ARMC3: variants seen among roughly 807,000 people sequenced by gnomAD.
ARMC3 encodes the protein armadillo repeat containing 3.
ARMC3 carries 74 observed loss-of-function variants against 90.3 expected under a neutral mutation model. The ratio of observed to expected loss-of-function variants is 0.82; its 90% CI spans 0.68 to 0.99. The LOEUF (loss-of-function observed/expected upper bound fraction) is 0.99, where lower values mean the gene tolerates loss of function less well. Among genes scored for constraint, ARMC3 ranks in the 50% least tolerant of loss-of-function variants. The probability of loss-of-function intolerance (pLI) is 0.00; values close to 1 mark genes in which losing one functional copy is unlikely to be tolerated. For synonymous variants in ARMC3, 334 were observed against 361.8 expected, an observed-to-expected ratio of 0.92 and a Z score of 0.87; for missense variants, 958 against 1,042.8, an observed-to-expected ratio of 0.92 and a Z score of 1.12.
intron 10 of ARMC3, among the ~76,000 whole-genome samples, chr10:22,989,216 T>C (rs1795689177): frequency 6.6e-6 from 1 of 152,252 alleles, no homozygotes; most frequent in African/African-American, 2.4e-5. Context: ...GATTCCGATC[T>C]GAAAATCATT....
At chr10:23,003,964 T>A (rs754775186) in intron 13 of ARMC3, among the ~76,000 whole-genome samples, 2 of 152,012 alleles carry the variant, frequency 1.3e-5, no homozygotes, top group African/African-American at 4.8e-5. Context: ...CTGGGGAACA[T>A]AGTGAGACCC....
chr10:22,938,833 C>T (rs1014930163), intron 2 of ARMC3, among the ~76,000 whole-genome samples: 15 of 152,098 alleles, frequency 9.9e-5, no homozygotes, highest in Non-Finnish European at 1.8e-4. Flanking sequence ...ATTTCAACCC[C>T]CAAACCACCA....
At position 23,007,184 on chromosome 10, in the gene ARMC3, C is replaced by T. The variant is rs371952377; in HGVS notation, c.1829+203C>T. Among the ~76,000 whole-genome samples, 51 of 152,330 alleles carry T rather than the reference C, an allele frequency of 3.3e-4. No homozygotes were observed. The South Asian group carries it at 0.01, about 30-fold the overall frequency. ...AGCCACCACTGCAAATCAATGCACT[C>T]TCTGCTCTCTTTCTTTGACTCTATA... On this transcript the variant is annotated intron_variant, in intron 14 of 18. Transcript: ENST00000298032.
intron 16 of ARMC3, among the ~76,000 whole-genome samples, chr10:23,012,966 G>A (rs910648643): frequency 6.8e-6 from 1 of 147,044 alleles, no homozygotes; most frequent in African/African-American, 2.6e-5. Flanking sequence ...CTGGCTCATT[G>A]CAACTTCCGC....
At chr10:22,963,967 A>T (rs1436998534) in intron 7 of ARMC3, among the ~76,000 whole-genome samples, 3 of 150,752 alleles carry the variant, frequency 2.0e-5, no homozygotes, top group Non-Finnish European at 4.4e-5. Flanking sequence ...CAAACTGGAA[A>T]GGAAGCCGTA....
At chr10:23,032,730 C>T (rs1838962746) in intron 17 of ARMC3, 131 bp from the exon 18 acceptor site, 2 of 953,054 alleles carry the variant, frequency 2.1e-6, no homozygotes, top group Admixed American at 2.9e-5. Flanking sequence ...TTAGTACTTT[C>T]TCAAAAATAA....
At chr10:22,998,729 T>C (rs1837135739) in intron 11 of ARMC3, among the ~76,000 whole-genome samples, 2 of 152,206 alleles carry the variant, frequency 1.3e-5, no homozygotes, top group South Asian at 4.1e-4. Flanking sequence ...AGATAATGCA[T>C]CGTGCTGTAG....
chr10:22,968,261 C>A lies in ARMC3; in HGVS notation c.733-45C>A, dbSNP rs1475230610. 1.9e-6 allele frequency: 3 copies of A among 1,554,644 alleles called. No individual in the cohort carries two copies. In the Admixed American group the frequency reaches 5.1e-5, roughly 26 times the overall value. ...CTTGTAGTCAAATTTGGGAAGTGTA[C>A]ATTTTAGTACAACTTTCTAAAGTTG... On this transcript the variant is annotated intron_variant, in intron 7 of 18. Transcript: ENST00000298032.
intron 16 of ARMC3, among the ~76,000 whole-genome samples, chr10:23,025,152 A>G (rs549228637): frequency 1.3e-5 from 2 of 152,270 alleles, no homozygotes; most frequent in Non-Finnish European, 2.9e-5. Flanking sequence ...CACAATTATA[A>G]TTGGGACTTC....
intron 10 of ARMC3, among the ~76,000 whole-genome samples, chr10:22,982,436 TAAGGAA>T (rs1836236472): frequency 6.6e-6 from 1 of 152,230 alleles, no homozygotes; most frequent in African/African-American, 2.4e-5. Context: ...GAAGAAAAGT[TAAGGAA>T]TAGGAATGCC....
At chr10:22,931,962 TG>T (rs747135412) in intron 1 of ARMC3, 33 bp from the exon 2 acceptor site, 2 of 1,564,900 alleles carry the variant, frequency 1.3e-6, no homozygotes, top group South Asian at 2.3e-5. Flanking sequence ...TATGTGCAAA[TG>T]TCACTTTAAC....
At chr10:22,957,889 G>A (rs1230611837) in intron 4 of ARMC3, among the ~76,000 whole-genome samples, 1 of 152,038 alleles carries the variant, frequency 6.6e-6, no homozygotes, top group Non-Finnish European at 1.5e-5. Context: ...ACATACCATT[G>A]AATTTGAGAA....
In ARMC3 at chr10:23,005,874, G is replaced by A. The variant is rs576600442; in HGVS notation, c.1732-1010G>A. On this transcript the variant is annotated intron_variant, in intron 13 of 18. Coordinates refer to ENST00000298032, the MANE Select transcript of ARMC3 (RefSeq NM_173081.5). ...GCTAGACTCCATCTCAAAAAAGGGG[G>A]AAAAAAAAAAGAAATGAGAGGTGCC... Among the ~76,000 whole-genome samples the A allele has an allele frequency of 1.8e-4, 27 of 148,068 alleles. No homozygotes were observed. In the South Asian group the frequency reaches 5.6e-3, roughly 31 times the overall value.
In ARMC3 at chr10:22,928,848, TAAGAA is replaced by T. The variant is rs1833814221; in HGVS notation, c.-2+743_-2+747del. ...GACTTCATGAATTTATTTGTTAATATAAGAATTTAGTAGGAATATGAACCCAGGAA... is the reference window on the plus strand; with the variant it reads ...GACTTCATGAATTTATTTGTTAATATTTTAGTAGGAATATGAACCCAGGAA... On this transcript the variant is annotated intron_variant, in intron 1 of 18. Transcript: ENST00000298032. Among the ~76,000 whole-genome samples the T allele has an allele frequency of 2.0e-5, 3 of 152,182 alleles. No homozygotes were observed. In the South Asian group the frequency reaches 6.2e-4, roughly 32 times the overall value.
chr10:22,945,964 G>A (rs546049280), intron 2 of ARMC3, among the ~76,000 whole-genome samples, 180 bp from the exon 3 acceptor site: 1 of 152,272 alleles, frequency 6.6e-6, no homozygotes, highest in East Asian at 1.9e-4. Flanking sequence ...TTCCAATGCT[G>A]ACAATTGTTT....
intron 14 of ARMC3, among the ~76,000 whole-genome samples, chr10:23,007,698 C>CAA (rs1188080079): frequency 5.9e-5 from 2 of 33,698 alleles, no homozygotes; most frequent in Non-Finnish European, 1.6e-4. Flanking sequence ...GACTCCGTCT[C>CAA]AAAAAAAAAA....
intron 6 of ARMC3, chr10:22,960,644 A>G (rs1835150320): frequency 1.3e-5 from 2 of 152,178 alleles, no homozygotes; most frequent in Admixed American, 1.3e-4. Flanking sequence ...GAAGAAATCA[A>G]AATGATTACC....
chr10:23,006,805 G>A lies in ARMC3; in HGVS notation c.1732-79G>A, dbSNP rs543994107. ...GAAATGAGACACCGCAAACAGCTGA[G>A]AATATATTCTATCTGTATTCATTTT... On this transcript the variant is annotated intron_variant, in intron 13 of 18. Transcript: ENST00000298032. 4.8e-4 allele frequency: 551 copies of A among 1,142,850 alleles called. 10 individuals are homozygous for A. In the South Asian group the frequency reaches 6.7e-3, roughly 14 times the overall value. 70.8% of individuals were successfully genotyped at this position (1,142,850 alleles called of 1,614,324 possible).
intron 2 of ARMC3, among the ~76,000 whole-genome samples, chr10:22,939,452 T>C (rs1267862999): frequency 1.3e-5 from 2 of 152,190 alleles, no homozygotes; most frequent in African/African-American, 4.8e-5. Flanking sequence ...TTGGAAGGCA[T>C]GGAGGGTCTT....
Sources: allele counts gnomAD v4.1 joint callset (sites outside exome capture counted in the v4.1 genomes callset), GRCh38; gene constraint gnomAD v4.1.1; transcripts MANE v1.5; gene names NCBI Gene and HGNC (gene_info 2026-07-23, HGNC 2026-07-21).